The following ESRRG variants were observed in gnomAD, a reference collection of about 807,000 sequenced individuals.
ESRRG encodes the protein estrogen related receptor gamma, also known as estrogen-related receptor gamma.
In ESRRG, 13 loss-of-function variants were observed where a neutral mutation model predicts 44.0. The ratio of observed to expected loss-of-function variants is 0.30; its 90% confidence interval spans 0.19 to 0.47. ESRRG has a LOEUF of 0.47. Ranked by LOEUF, ESRRG falls within the 20% of genes least tolerant of loss-of-function variation. The probability of loss-of-function intolerance (pLI) is 1.00; values close to 1 mark genes in which losing one functional copy is unlikely to be tolerated. For synonymous variants in ESRRG, 215 were observed against 214.6 expected (o/e 1.00, Z -0.02); for missense variants, 395 against 580.6 (o/e 0.68, Z 3.29).
At chr1:216,530,504 G>T (rs2049053845) in intron 5 of ESRRG, among the ~76,000 whole-genome samples, 1 of 152,122 alleles carries the variant, frequency 6.6e-6, no homozygotes. Context: ...AAGGCTCAGG[G>T]TATCTTGTCA....
At position 217,002,330 on chromosome 1, in the gene ESRRG, AAAAAAG is replaced by A. The variant is rs891228164; in HGVS notation, c.-105-62663_-105-62658del. Among the ~76,000 whole-genome samples the A allele has an allele frequency of 1.8e-4, 27 of 146,892 alleles. 1 individual carries two copies. The East Asian group carries it at 3.9e-3, about 21-fold the overall frequency. ...AAAAAAAAAAGAAAGAAAGAAAAAA[AAAAAAG>A]AAAGAAAGAAAAGAAAAGAAAGAAA... is the stretch of plus-strand genomic sequence containing the variant. On this transcript the variant is annotated intron_variant, in intron 1 of 7. Transcript: ENST00000359162.
chr1:217,060,061 G>T (rs2088016132), intron 1 of ESRRG, among the ~76,000 whole-genome samples: 1 of 151,610 alleles, frequency 6.6e-6, no homozygotes, highest in Admixed American at 6.6e-5. Context: ...GGGTTTTGGG[G>T]GTGGCAAAAA....
At chr1:216,993,988 T>C (rs984883887) in intron 1 of ESRRG, among the ~76,000 whole-genome samples, 8 of 152,218 alleles carry the variant, frequency 5.3e-5, no homozygotes, top group African/African-American at 1.7e-4. Flanking sequence ...AATGTTTTAA[T>C]TGCTCTAATA....
chr1:216,585,242 T>C (rs924466218), intron 3 of ESRRG, among the ~76,000 whole-genome samples: 1 of 152,132 alleles, frequency 6.6e-6, no homozygotes, highest in African/African-American at 2.4e-5. Context: ...TATGGAAAAA[T>C]AAAGAATATG....
At chr1:216,793,466 T>C (rs1053102244) in intron 2 of ESRRG, among the ~76,000 whole-genome samples, 1 of 152,132 alleles carries the variant, frequency 6.6e-6, no homozygotes. Context: ...TAAGCAGCCA[T>C]ATGAAGAGAT....
intron 1 of ESRRG, among the ~76,000 whole-genome samples, chr1:217,086,231 A>G (rs1485712599): frequency 6.6e-6 from 1 of 152,208 alleles, no homozygotes; most frequent in Non-Finnish European, 1.5e-5. Flanking sequence ...TTAAATGGAT[A>G]TATAGTATTT....
intron 3 of ESRRG, among the ~76,000 whole-genome samples, chr1:216,644,815 T>C (rs1219382984): frequency 6.6e-6 from 1 of 152,166 alleles, no homozygotes; most frequent in Non-Finnish European, 1.5e-5. Context: ...ATCTGATTTG[T>C]TTTGCTTGTT....
chr1:216,685,549 G>C (rs771511368), intron 1 of ESRRG, among the ~76,000 whole-genome samples: 2 of 152,150 alleles, frequency 1.3e-5, no homozygotes, highest in Non-Finnish European at 2.9e-5. Context: ...CCACAGCACC[G>C]CACTAGAGAA....
intron 2 of ESRRG, among the ~76,000 whole-genome samples, chr1:216,926,871 A>AATGCTGAATGCTGAATGCAGC (rs1448428466): frequency 6.6e-6 from 1 of 152,192 alleles, no homozygotes; most frequent in Non-Finnish European, 1.5e-5. Context: ...CTGAATGCTG[A>AATGCTGAATGCTGAATGCAGC]ATGCTGAATG....
chr1:216,707,597 T>A lies in ESRRG; in HGVS notation c.56+15647A>T, dbSNP rs1262023235. ...TTATTTTATGAAGACTGACTCCTTTTTACATTGGAGACTTAGGTATGAAAA... is the reference window on the plus strand; with the variant it reads ...TTATTTTATGAAGACTGACTCCTTTATACATTGGAGACTTAGGTATGAAAA... On this transcript the variant is annotated intron_variant, in intron 1 of 6. Transcript: ENST00000408911. The A allele has an allele frequency of 4.6e-6, 5 of 1,082,372 alleles. No homozygotes were observed. In the African/African-American group the frequency reaches 6.4e-5, roughly 14 times the overall value. 67.0% of individuals were successfully genotyped at this position (1,082,372 alleles called of 1,614,324 possible).
At chr1:217,110,357 C>T (rs1161443710) in intron 1 of ESRRG, among the ~76,000 whole-genome samples, 3 of 152,190 alleles carry the variant, frequency 2.0e-5, no homozygotes, top group Non-Finnish European at 4.4e-5. Context: ...ACTTTATCTT[C>T]CTGAAACCCA....
intron 1 of ESRRG, among the ~76,000 whole-genome samples, chr1:217,128,593 T>A (rs1385942762): frequency 3.3e-5 from 5 of 151,446 alleles, no homozygotes; most frequent in South Asian, 2.1e-4. Flanking sequence ...AATGATAATT[T>A]AAAAAAAAAT....
chr1:216,654,520 G>A (rs1039162627), intron 2 of ESRRG, among the ~76,000 whole-genome samples: 37 of 151,350 alleles, frequency 2.4e-4, no homozygotes, highest in African/African-American at 9.0e-4. Context: ...TCCCAGCTGC[G>A]TGGGAGGCTG....
At chr1:216,829,549 G>GTTTTTT (rs66515526) in intron 2 of ESRRG, among the ~76,000 whole-genome samples, 6 of 135,634 alleles carry the variant, frequency 4.4e-5, no homozygotes, top group Non-Finnish European at 4.8e-5. Context: ...AAATGCCACA[G>GTTTTTT]TTTTTTTTTT....
intron 5 of ESRRG, among the ~76,000 whole-genome samples, chr1:216,522,236 A>G (rs2148963558): frequency 6.7e-6 from 1 of 149,646 alleles, no homozygotes; most frequent in South Asian, 2.1e-4. Flanking sequence ...GAAGGAAAAA[A>G]GGGGAAGAAA....
At chr1:216,705,443 AGTTGTTTT>A (rs2082267674) in intron 1 of ESRRG, among the ~76,000 whole-genome samples, 2 of 152,158 alleles carry the variant, frequency 1.3e-5, no homozygotes, top group Admixed American at 6.6e-5. Context: ...AAGGACACAC[AGTTGTTTT>A]ATTTTGCTAA....
intron 2 of ESRRG, among the ~76,000 whole-genome samples, chr1:216,904,937 A>G (rs2059521771): frequency 1.3e-5 from 2 of 152,190 alleles, no homozygotes; most frequent in Admixed American, 1.3e-4. Context: ...TTAAGGGCCC[A>G]GTGCAGATAG....
chr1:216,625,803 C>A lies in ESRRG; in HGVS notation c.589+25170G>T, dbSNP rs1532500. On this transcript the variant is annotated intron_variant, in intron 3 of 6. Coordinates refer to ENST00000408911, the MANE Select transcript of ESRRG (RefSeq NM_001438.4). ...ATACAGTGCTTAGAGGTGGACATGG[C>A]ATTTTACTCACTCAATTATTTTCAG... Among the ~76,000 whole-genome samples, 4 of 152,076 alleles carry A rather than the reference C, an allele frequency of 2.6e-5. No individual in the cohort carries two copies. The East Asian group carries it at 7.7e-4, about 29-fold the overall frequency.
chr1:216,517,863 G>T (rs1003276728), intron 6 of ESRRG, among the ~76,000 whole-genome samples: 4 of 152,094 alleles, frequency 2.6e-5, no homozygotes, highest in African/African-American at 9.7e-5. Flanking sequence ...GAGGAAGAGG[G>T]TTATATTCAC....
Sources: allele counts gnomAD v4.1 joint callset (sites outside exome capture counted in the v4.1 genomes callset), GRCh38; gene constraint gnomAD v4.1.1; transcripts MANE v1.5; gene names NCBI Gene and HGNC (gene_info 2026-07-23, HGNC 2026-07-21).